VWF: variants seen among roughly 807,000 people sequenced by gnomAD.
The protein encoded by VWF is von Willebrand factor.
VWF carries 176 observed loss-of-function variants against 308.6 expected under a neutral mutation model. The observed-to-expected ratio is 0.57, with a 90% CI of 0.50 to 0.65. VWF has a LOEUF of 0.65. Among genes scored for constraint, VWF ranks in the 30% least tolerant of loss-of-function variants. The pLI is 0.00. For synonymous variants in VWF, 1,385 were observed against 1,443.4 expected (o/e 0.96, Z 0.92); for missense variants, 3,146 against 3,648.2 (o/e 0.86, Z 3.55).
chr12:6,081,766 C>G (rs568497931), intron 6 of VWF, among the ~76,000 whole-genome samples: 6 of 152,174 alleles, frequency 3.9e-5, no homozygotes, highest in Non-Finnish European at 8.8e-5. Flanking sequence ...TTCTCTCACT[C>G]TTTCACCAGA....
At position 5,993,951 on chromosome 12, in the gene VWF, T is replaced by A. The variant is rs752711827; in HGVS notation, c.6509A>T (p.Gln2170Leu). 1.9e-6 allele frequency: 3 copies of A among 1,614,136 alleles called. No individual in the cohort carries two copies. The highest frequency in any genetic ancestry group is 2.5e-6 in the Non-Finnish European group (3 of 1,180,018). Residue 2170 changes from glutamine (Q) to leucine (L), a missense_variant, in exon 37 of 52, where the codon CAG becomes CTG. Physicochemically the swap from Gln to Leu is moderately radical, Grantham distance 113. This residue lies in a region of VWF where 989 missense variants were observed against 1,117.4 expected (regional missense o/e 0.89). Transcript: ENST00000261405. ...YAICQQDSCH[Q>L]EQVCEVIASY... ...GGCGATCACCTCACACACTTGCTCCTGGTGGCAACTGTCCTGCTGGCAGAT... is the reference window on the plus strand; with the variant it reads ...GGCGATCACCTCACACACTTGCTCCAGGTGGCAACTGTCCTGCTGGCAGAT...
At chr12:6,103,966 C>T (rs1044340820) in intron 5 of VWF, among the ~76,000 whole-genome samples, 1 of 152,184 alleles carries the variant, frequency 6.6e-6, no homozygotes, top group Non-Finnish European at 1.5e-5. Flanking sequence ...AAATCATCAA[C>T]AGAGTGAAGA....
chr12:6,015,812 G>A (rs1944049580), intron 31 of VWF, among the ~76,000 whole-genome samples: 1 of 152,124 alleles, frequency 6.6e-6, no homozygotes, highest in African/African-American at 2.4e-5. Flanking sequence ...AGGGCATAGA[G>A]GTATGATCAC....
At chr12:6,100,907 A>C (rs1028359681) in intron 5 of VWF, among the ~76,000 whole-genome samples, 2 of 152,150 alleles carry the variant, frequency 1.3e-5, no homozygotes, top group Non-Finnish European at 2.9e-5. Context: ...ATAATAAAGA[A>C]AGACACAGAA....
At chr12:5,984,823 G>A (rs534728033) in intron 40 of VWF, among the ~76,000 whole-genome samples, 1 of 152,328 alleles carries the variant, frequency 6.6e-6, no homozygotes, top group South Asian at 2.1e-4. Context: ...TATTAATCCT[G>A]TCAAACCTGT....
In VWF at chr12:6,046,917, G is replaced by A; in HGVS notation, c.2187-100C>T. The A allele has an allele frequency of 9.7e-7, 1 of 1,033,166 alleles. No individual in the cohort carries two copies. The highest frequency in any genetic ancestry group is 1.5e-6 in the Non-Finnish European group (1 of 681,810). 64.0% of individuals were successfully genotyped at this position (1,033,166 alleles called of 1,614,324 possible). A position where few individuals can be genotyped will look rare whatever the true frequency, so the allele number is the denominator to read the frequency against. On this transcript the variant is annotated intron_variant, in intron 16 of 51. Transcript: ENST00000261405. The surrounding 1 kb of genome is among the most constrained non-coding windows in gnomAD (Gnocchi z 5.0). ...CTCACTCTCTGCCCCTTCCAACCAG[G>A]TCCCAGTCCCATAACCCCTCCTGAA... is the stretch of plus-strand genomic sequence containing the variant.
intron 5 of VWF, among the ~76,000 whole-genome samples, chr12:6,104,301 A>T (rs1945215603): frequency 6.6e-6 from 1 of 152,124 alleles, no homozygotes; most frequent in Non-Finnish European, 1.5e-5. Context: ...ATGAGGAAAA[A>T]GGGGAACTCT....
In VWF at chr12:5,962,731, A is replaced by G. The variant is rs554250731; in HGVS notation, c.7887+4755T>C. 4.6e-5 allele frequency among the ~76,000 whole-genome samples: 7 copies of G among 152,054 alleles called. No individual in the cohort carries two copies. The South Asian group carries it at 1.5e-3, about 32-fold the overall frequency. On this transcript the variant is annotated intron_variant, in intron 47 of 51. Transcript: ENST00000261405. ...ACCCCCAGCTAATTTTTGTATTTTT[A>G]GTAGAGAAGGGGTTTCACCATGTTA...
In VWF at chr12:5,968,257, C is replaced by T. The variant is rs28365810; in HGVS notation, c.7730-90G>A. ...GCTGCTCTCTTTGGGGCTCCTCCTC[C>T]GTGTCTGGGCCTCCCTCCTGTATCG... is the stretch of plus-strand genomic sequence containing the variant. On this transcript the variant is annotated intron_variant, in intron 45 of 51. Coordinates refer to ENST00000261405, the MANE Select transcript of VWF (RefSeq NM_000552.5). The T allele has an allele frequency of 1.4e-5, 21 of 1,508,552 alleles. No individual in the cohort carries two copies. In the East Asian group the frequency reaches 2.3e-4, roughly 17 times the overall value. The allele number at this position is 1,508,552 out of a possible 1,614,324, so 93.4% of individuals were successfully genotyped here. A position where few individuals can be genotyped will look rare whatever the true frequency, so the allele number is the denominator to read the frequency against.
Position 6,020,550 on chromosome 12 carries a change from A to G in VWF, c.3675-807T>C, listed in dbSNP as rs1233471416. ...ACAAATTCCTACACTACCATGCCAA[A>G]TTTCCAGGCTCTGCTGGTAACATCA... is the stretch of plus-strand genomic sequence containing the variant. On this transcript the variant is annotated intron_variant, in intron 27 of 51. Transcript: ENST00000261405. This position sits in a 1 kb window ranked among gnomAD's most constrained non-coding sequence, Gnocchi z 4.3. Among the ~76,000 whole-genome samples the G allele has an allele frequency of 3.9e-5, 6 of 152,202 alleles. No individual in the cohort carries two copies. The highest frequency in any genetic ancestry group is 8.8e-5 in the Non-Finnish European group (6 of 68,034).
chr12:6,027,950 A>G (rs1393035071), intron 22 of VWF, among the ~76,000 whole-genome samples: 1 of 152,232 alleles, frequency 6.6e-6, no homozygotes, highest in Non-Finnish European at 1.5e-5. Flanking sequence ...TGACACATAC[A>G]GGAACTCAGT....
At position 5,981,022 on chromosome 12, in the gene VWF, T is replaced by G. The variant is rs539985175; in HGVS notation, c.7287+764A>C. 1.1e-4 allele frequency among the ~76,000 whole-genome samples: 16 copies of G among 152,372 alleles called. No homozygotes were observed. The East Asian group carries it at 2.7e-3, about 26-fold the overall frequency. On this transcript the variant is annotated intron_variant, in intron 42 of 51. Transcript: ENST00000261405. ...GAAAATCTGTACCATTCGTTGACACTTTATTATATTCAGTTTATAGACTAT... is the reference window on the plus strand; with the variant it reads ...GAAAATCTGTACCATTCGTTGACACGTTATTATATTCAGTTTATAGACTAT...
chr12:6,122,386 C>A (rs7314208), intron 2 of VWF, among the ~76,000 whole-genome samples: 74,574 of 152,006 alleles, frequency 0.49, 20,022 homozygotes, highest in Non-Finnish European at 0.63. Context: ...GAAGTGTGAA[C>A]TCCTCCGGCG....
intron 20 of VWF, among the ~76,000 whole-genome samples, chr12:6,031,841 G>A (rs1400278156): frequency 7.1e-6 from 1 of 141,472 alleles, no homozygotes; most frequent in Admixed American, 7.0e-5. Flanking sequence ...GGAGGGGGAG[G>A]GAAGGAAGGT....
At chr12:6,123,282 A>C in intron 1 of VWF, 86 bp from the exon 2 acceptor site, 1 of 1,458,894 alleles carries the variant, frequency 6.9e-7, no homozygotes. Flanking sequence ...ATGCAGTAGC[A>C]AAAACATTTC....
At chr12:6,097,381 G>A (rs1327970724) in intron 5 of VWF, among the ~76,000 whole-genome samples, 3 of 152,166 alleles carry the variant, frequency 2.0e-5, no homozygotes, top group Non-Finnish European at 4.4e-5. Flanking sequence ...AGACTACAGT[G>A]AGCCGAGAAT....
At chr12:5,963,310 A>G (rs74056748) in intron 47 of VWF, among the ~76,000 whole-genome samples, 190 of 152,376 alleles carry the variant, frequency 1.2e-3, no homozygotes, top group Admixed American at 2.9e-3. Flanking sequence ...AATGGCCAAA[A>G]GCTTGAACAA....
intron 5 of VWF, among the ~76,000 whole-genome samples, chr12:6,103,455 TGTGTATATACACATATGTGTGTATATACA>T (rs1945201807): frequency 1.1e-5 from 1 of 92,840 alleles, no homozygotes; most frequent in African/African-American, 5.3e-5. Flanking sequence ...TACACATATA[TGTGTATATACACATATGTGTGTATATACA>T]TATATGTGTA....
Position 5,981,901 on chromosome 12 carries a change from T to C in VWF, c.7172A>G (p.Glu2391Gly). 1.3e-6 allele frequency: 2 copies of C among 1,555,636 alleles called. No individual in the cohort carries two copies. Among genetic ancestry groups the C allele is most frequent in the South Asian group, 1.1e-5 (1 of 90,398 alleles). ...PTLRKTQCCD[E>G]YECACNCVNS... ...GACACAGTTGCAGGCACACTCATAC[T>C]CATCACAGCACTGGGTCTTCCGAAG... The change falls in exon 42 of 52, where the codon GAG becomes GGG. Residue 2391 changes from glutamate to glycine, a missense_variant. Coordinates refer to ENST00000261405, the MANE Select transcript of VWF (RefSeq NM_000552.5).
Sources: allele counts gnomAD v4.1 joint callset (sites outside exome capture counted in the v4.1 genomes callset), GRCh38; gene constraint gnomAD v4.1.1; regional missense constraint gnomAD v4.1.1; non-coding constraint Gnocchi (gnomAD v3.1); transcripts MANE v1.5; gene names NCBI Gene and HGNC (gene_info 2026-07-23, HGNC 2026-07-21).